The following MAP4 variants were observed in gnomAD, a reference collection of about 807,000 sequenced individuals.
MAP4 encodes microtubule-associated protein 4.
A neutral mutation model predicts 170.2 loss-of-function variants in MAP4; 76 were observed. That is an observed-to-expected ratio of 0.45 (90% confidence interval 0.37 to 0.54). MAP4 has a LOEUF of 0.54. MAP4 is among the 20% of genes least tolerant of loss of function. The pLI is 0.00. For synonymous variants in MAP4, 909 were observed against 994.5 expected, an observed-to-expected ratio of 0.91 and a Z score of 1.62; for missense variants, 2,506 against 2,748.0, an observed-to-expected ratio of 0.91 and a Z score of 1.97.
intron 3 of MAP4, chr3:47,975,282 T>G: frequency 2.0e-6 from 3 of 1,468,474 alleles, no homozygotes; most frequent in Non-Finnish European, 2.7e-6. Flanking sequence ...GGAAGCAGGT[T>G]GTTTGCTCAG....
At position 47,918,735 on chromosome 3, in the gene MAP4, A is replaced by G. The variant is rs757725350; in HGVS notation, c.636T>C (p.Pro212=). 72 of 1,609,576 alleles carry G rather than the reference A, an allele frequency of 4.5e-5. No homozygotes were observed. The highest frequency in any genetic ancestry group is 6.0e-5 in the Non-Finnish European group (71 of 1,176,194). The change falls in exon 6 of 21, where the codon CCT becomes CCC. Residue 212 remains proline, a synonymous_variant. Coordinates refer to ENST00000683076, the MANE Select transcript of MAP4 (RefSeq NM_001385682.1). ...SFVSPEAVAE[P]PQPTAVPLEL... ...ATAGTTTACCTGCCGTTGGCTGAGG[A>G]GGTTCTGCAACAGCCTCTGGGGAAA...
intron 3 of MAP4, among the ~76,000 whole-genome samples, chr3:47,937,738 T>C (rs2100053851): frequency 6.9e-6 from 1 of 145,292 alleles, no homozygotes; most frequent in South Asian, 2.3e-4. Context: ...CTCAGCTCAC[T>C]GCAACCTCTG....
chr3:47,977,908 G>T lies in MAP4; in HGVS notation c.249C>A (p.Leu83=), dbSNP rs2100083144. 1.9e-6 allele frequency: 3 copies of T among 1,612,824 alleles called. No individual in the cohort carries two copies. The highest frequency in any genetic ancestry group is 2.2e-5 in the East Asian group (1 of 44,874). The part of the protein sequence containing the change: ...IEDTPSSKPT[L]LANGGHGVEG... ...CTACTCCATGACCACCATTGGCTAG[G>T]AGTGTTGGTTTAGAAGATGGAGTAT... The change falls in exon 3 of 21, where the codon CTC becomes CTA. Residue 83 remains leucine, a synonymous_variant. Coordinates refer to ENST00000683076, the MANE Select transcript of MAP4 (RefSeq NM_001385682.1).
chr3:47,935,188 A>G (rs2100052013), intron 3 of MAP4, among the ~76,000 whole-genome samples: 1 of 152,242 alleles, frequency 6.6e-6, no homozygotes, highest in African/African-American at 2.4e-5. Flanking sequence ...TTTAAAGAAC[A>G]GTCACATAAC....
chr3:47,991,360 C>T (rs1411647784), intron 2 of MAP4, among the ~76,000 whole-genome samples: 1 of 152,102 alleles, frequency 6.6e-6, no homozygotes, highest in African/African-American at 2.4e-5. Context: ...CCTAACTAAG[C>T]CTGTTGTAAG....
At chr3:47,942,424 A>G (rs2100057116) in intron 3 of MAP4, among the ~76,000 whole-genome samples, 1 of 152,026 alleles carries the variant, frequency 6.6e-6, no homozygotes, top group Non-Finnish European at 1.5e-5. Context: ...TTTGTTGCCT[A>G]GGCTGGAGTG....
intron 8 of MAP4, 108 bp downstream of exon 8, chr3:47,914,709 A>G: frequency 7.7e-7 from 1 of 1,298,802 alleles, no homozygotes; most frequent in Admixed American, 1.9e-5. Context: ...TTCATAAACT[A>G]TACTGCTGAT....
chr3:48,018,527 G>T (rs934495190), upstream of MAP4, among the ~76,000 whole-genome samples: 9 of 152,164 alleles, frequency 5.9e-5, no homozygotes, highest in Non-Finnish European at 1.2e-4. Flanking sequence ...GGCTAGGTGT[G>T]GTGGCTCATG....
chr3:48,018,264 G>T (rs2100108809), upstream of MAP4, among the ~76,000 whole-genome samples: 1 of 152,128 alleles, frequency 6.6e-6, no homozygotes, highest in South Asian at 2.1e-4. Context: ...CCAGAAGAGA[G>T]GACCACATCA....
At chr3:48,079,066 G>A (rs2100145264) in intron 1 of MAP4, among the ~76,000 whole-genome samples, 1 of 152,120 alleles carries the variant, frequency 6.6e-6, no homozygotes, top group South Asian at 2.1e-4. Context: ...AGCTACTCAA[G>A]AGGCTGAGGC....
intron 10 of MAP4, chr3:47,892,174 G>C (rs2100024377): frequency 3.9e-6 from 6 of 1,536,306 alleles, no homozygotes; most frequent in Non-Finnish European, 5.2e-6. Context: ...TCACATACCT[G>C]CTCTCAAGGT....
intron 10 of MAP4, among the ~76,000 whole-genome samples, chr3:47,886,760 C>A (rs2097661846): frequency 6.6e-6 from 1 of 152,246 alleles, no homozygotes; most frequent in Non-Finnish European, 1.5e-5. Context: ...AGCCTCACAT[C>A]ACAGCATGAC....
intron 2 of MAP4, among the ~76,000 whole-genome samples, chr3:47,979,986 G>A (rs2100084545): frequency 6.6e-6 from 1 of 151,880 alleles, no homozygotes; most frequent in Non-Finnish European, 1.5e-5. Context: ...TACCACGCCT[G>A]CCTAATTTTT....
intron 3 of MAP4, among the ~76,000 whole-genome samples, chr3:47,928,640 G>A (rs766432902): frequency 7.9e-5 from 12 of 151,900 alleles, no homozygotes; most frequent in Non-Finnish European, 1.3e-4. Context: ...CTCCAACCTG[G>A]GCAACATAGC....
chr3:47,918,172 C>T (rs989626209), intron 6 of MAP4, among the ~76,000 whole-genome samples: 7 of 152,078 alleles, frequency 4.6e-5, no homozygotes, highest in Admixed American at 2.0e-4. Flanking sequence ...TTAGTAGAGA[C>T]GGGGTTTCAC....
At chr3:48,072,260 C>CA (rs1302466190) in intron 1 of MAP4, among the ~76,000 whole-genome samples, 1 of 152,112 alleles carries the variant, frequency 6.6e-6, no homozygotes, top group Non-Finnish European at 1.5e-5. Flanking sequence ...GTAATCCCAG[C>CA]ACTTTGGGAG....
At chr3:47,893,708 T>C (rs1031104124) in intron 10 of MAP4, among the ~76,000 whole-genome samples, 1 of 151,936 alleles carries the variant, frequency 6.6e-6, no homozygotes, top group African/African-American at 2.4e-5. Flanking sequence ...AAATATTCTA[T>C]CAGAAATCCA....
intron 1 of MAP4, among the ~76,000 whole-genome samples, chr3:48,087,479 T>C (rs977579100): frequency 6.6e-6 from 1 of 152,110 alleles, no homozygotes; most frequent in Non-Finnish European, 1.5e-5. Context: ...CTAGAGCAGC[T>C]GTATTCCCTC....
chr3:47,907,751 C>T (rs180882321), intron 9 of MAP4, among the ~76,000 whole-genome samples: 357 of 152,256 alleles, frequency 2.3e-3, no homozygotes, highest in Middle Eastern at 6.8e-3. Context: ...GAAACCAAAA[C>T]GAAAGAACTG....
Sources: allele counts gnomAD v4.1 joint callset (sites outside exome capture counted in the v4.1 genomes callset), GRCh38; gene constraint gnomAD v4.1.1; transcripts MANE v1.5; gene names NCBI Gene and HGNC (gene_info 2026-07-23, HGNC 2026-07-21).